Variants in NRXN3 observed in about 807,000 individuals in gnomAD.
NRXN3 encodes neurexin III.
A neutral mutation model predicts 137.6 loss-of-function variants in NRXN3; 32 were observed. The ratio of observed to expected loss-of-function variants is 0.23; its 90% CI spans 0.18 to 0.31. The LOEUF is 0.31. Among genes scored for constraint, NRXN3 ranks in the 10% least tolerant of loss-of-function variants. NRXN3 has a pLI of 1.00. For synonymous variants in NRXN3, 798 were observed against 784.5 expected (o/e 1.02, Z -0.29); for missense variants, 1,574 against 2,062.5 (o/e 0.76, Z 4.59).
intron 16 of NRXN3, among the ~76,000 whole-genome samples, chr14:79,599,765 C>T (rs1410737991): frequency 2.6e-5 from 4 of 152,214 alleles, no homozygotes; most frequent in South Asian, 2.1e-4. Flanking sequence ...GAGGCTGAGG[C>T]GGGCAGATCA....
intron 7 of NRXN3, 37 bp from the exon 8 acceptor site, chr14:78,714,719 C>G (rs761093462): frequency 1.9e-6 from 3 of 1,598,390 alleles, no homozygotes; most frequent in Non-Finnish European, 2.6e-6. Flanking sequence ...GGTTAAGCAA[C>G]TGGCAGACTC....
At chr14:78,739,669 G>A (rs772090414) in intron 8 of NRXN3, among the ~76,000 whole-genome samples, 1 of 151,968 alleles carries the variant, frequency 6.6e-6, no homozygotes, top group African/African-American at 2.4e-5. Flanking sequence ...ATGGGGTTTC[G>A]CTATGTTGGC....
At chr14:79,189,100 C>T (rs562576101) in intron 15 of NRXN3, among the ~76,000 whole-genome samples, 33 of 151,748 alleles carry the variant, frequency 2.2e-4, no homozygotes, top group East Asian at 1.6e-3. Flanking sequence ...ATGTTTATTG[C>T]GGCACTATTC....
At chr14:79,274,228 A>C (rs932073792) in intron 15 of NRXN3, among the ~76,000 whole-genome samples, 3 of 152,042 alleles carry the variant, frequency 2.0e-5, no homozygotes, top group Non-Finnish European at 4.4e-5. Flanking sequence ...GCACTCTCAA[A>C]GTGTCTTGCA....
At chr14:79,343,993 A>G (rs1435083715) in intron 15 of NRXN3, among the ~76,000 whole-genome samples, 2 of 152,168 alleles carry the variant, frequency 1.3e-5, no homozygotes, top group Non-Finnish European at 2.9e-5. Flanking sequence ...CATGTGCTCT[A>G]TCCCTGGAGC....
rs1476212632 is a variant in NRXN3, at chr14:79,112,614, G to T, written c.3262+124473G>T. 2.6e-5 allele frequency among the ~76,000 whole-genome samples: 4 copies of T among 152,312 alleles called. No individual in the cohort carries two copies. The East Asian group carries it at 7.7e-4, about 29-fold the overall frequency. ...TAGAAAAGAGAAATAAGCACTTTCA[G>T]AAGTGTTGTCTGCACATGCCTGGGA... is the stretch of plus-strand genomic sequence containing the variant. On this transcript the variant is annotated intron_variant, in intron 15 of 20. Coordinates refer to ENST00000335750, the MANE Select transcript of NRXN3 (RefSeq NM_001330195.2).
At chr14:79,813,459 T>C (rs1423544553) in intron 20 of NRXN3, among the ~76,000 whole-genome samples, 1 of 152,214 alleles carries the variant, frequency 6.6e-6, no homozygotes, top group Non-Finnish European at 1.5e-5. Context: ...TTTACTATTT[T>C]GATCATTATG....
At chr14:78,491,479 G>T (rs1555564952) in intron 4 of NRXN3, among the ~76,000 whole-genome samples, 2 of 152,194 alleles carry the variant, frequency 1.3e-5, no homozygotes, top group Non-Finnish European at 2.9e-5. Context: ...CCAGGAGCTT[G>T]TTGGATTGGA....
rs2098773720 is a variant in NRXN3, at chr14:79,705,438, A to AT, written c.4014+7503dup. 2.0e-5 allele frequency among the ~76,000 whole-genome samples: 3 copies of AT among 152,180 alleles called. No individual in the cohort carries two copies. In the South Asian group the frequency reaches 6.2e-4, roughly 32 times the overall value. On this transcript the variant is annotated intron_variant, in intron 19 of 20. Transcript: ENST00000335750. The stretch of plus-strand genomic sequence containing the variant: ...GAAACCGGTGAGGCAGGATTATGCA[A>AT]TTGCAAGCTTAGATTTTCATCTTAA...
intron 15 of NRXN3, among the ~76,000 whole-genome samples, chr14:79,049,736 A>G (rs2099639182): frequency 6.6e-6 from 1 of 152,196 alleles, no homozygotes; most frequent in Non-Finnish European, 1.5e-5. Context: ...CGATCCCTTC[A>G]ATTTGTAAAA....
At chr14:79,015,543 G>A (rs1415700617) in intron 15 of NRXN3, among the ~76,000 whole-genome samples, 1 of 152,100 alleles carries the variant, frequency 6.6e-6, no homozygotes, top group Non-Finnish European at 1.5e-5. Context: ...GGCTGGCTTT[G>A]CCTTAAGATT....
chr14:78,985,912 A>G (rs1182943648), intron 14 of NRXN3, among the ~76,000 whole-genome samples: 1 of 152,214 alleles, frequency 6.6e-6, no homozygotes, highest in African/African-American at 2.4e-5. Flanking sequence ...TGGGGGAACC[A>G]CATGGCCAAT....
chr14:78,179,619 G>T (rs558236832), intron 1 of NRXN3, among the ~76,000 whole-genome samples: 6 of 152,130 alleles, frequency 3.9e-5, no homozygotes, highest in African/African-American at 1.4e-4. Context: ...ATTTGGAATT[G>T]TCAACTCTCC....
At position 79,695,996 on chromosome 14, in the gene NRXN3, G is replaced by T. The variant is rs115501083; in HGVS notation, c.3707-1634G>T. On this transcript the variant is annotated intron_variant, in intron 18 of 20. Transcript: ENST00000335750. The stretch of plus-strand genomic sequence containing the variant: ...CTGCAGTGTTGAAAGCTTCCAAAGG[G>T]CTATTATTTGTAAATCATTCTTGAT... Among the ~76,000 whole-genome samples the T allele has an allele frequency of 7.9e-3, 1,206 of 152,000 alleles. 10 individuals carry two copies. Among genetic ancestry groups the T allele is most frequent in the African/African-American group, 0.025 (1,047 of 41,496 alleles).
intron 1 of NRXN3, among the ~76,000 whole-genome samples, chr14:78,182,259 A>T (rs1295156910): frequency 6.6e-6 from 1 of 151,868 alleles, no homozygotes; most frequent in Non-Finnish European, 1.5e-5. Context: ...CTTGTTACGG[A>T]AGAGGGAACT....
chr14:78,682,174 CT>C (rs1024532765), intron 6 of NRXN3, among the ~76,000 whole-genome samples: 2 of 152,130 alleles, frequency 1.3e-5, no homozygotes, highest in African/African-American at 4.8e-5. Flanking sequence ...CCGATTGATA[CT>C]TTTTTGTTGG....
chr14:78,952,845 A>T (rs904284238), intron 10 of NRXN3, among the ~76,000 whole-genome samples: 6 of 151,970 alleles, frequency 3.9e-5, no homozygotes, highest in African/African-American at 1.4e-4. Flanking sequence ...TACAGATCTC[A>T]CCCCCTCCCT....
At chr14:79,328,151 AAG>A (rs1282381872) in intron 15 of NRXN3, among the ~76,000 whole-genome samples, 1 of 152,218 alleles carries the variant, frequency 6.6e-6, no homozygotes, top group African/African-American at 2.4e-5. Context: ...GAAAAAGAAA[AAG>A]AAATTATTAT....
chr14:79,276,722 A>G (rs76558274), intron 15 of NRXN3, among the ~76,000 whole-genome samples: 8 of 151,898 alleles, frequency 5.3e-5, no homozygotes, highest in African/African-American at 1.2e-4. Context: ...AAAAAAAAAA[A>G]AAAAAGAAAA....
Sources: allele counts gnomAD v4.1 joint callset (sites outside exome capture counted in the v4.1 genomes callset), GRCh38; gene constraint gnomAD v4.1.1; transcripts MANE v1.5; gene names NCBI Gene and HGNC (gene_info 2026-07-23, HGNC 2026-07-21).